The following KCTD3 variants were observed in gnomAD, a reference collection of about 807,000 sequenced individuals.
KCTD3 encodes potassium channel tetramerization domain containing 3.
A neutral mutation model predicts 85.8 loss-of-function variants in KCTD3; 41 were observed. The ratio of observed to expected loss-of-function variants is 0.48; its 90% CI spans 0.37 to 0.62. The LOEUF is 0.62. Among genes scored for constraint, KCTD3 ranks in the 20% least tolerant of loss-of-function variants. The probability of loss-of-function intolerance (pLI) is 0.00; values close to 1 mark genes in which losing one functional copy is unlikely to be tolerated. For synonymous variants in KCTD3, 338 were observed against 345.4 expected (o/e 0.98, Z 0.24); for missense variants, 724 against 989.9 (o/e 0.73, Z 3.60).
intron 8 of KCTD3, among the ~76,000 whole-genome samples, chr1:215,582,676 C>T (rs1659869613): frequency 2.6e-5 from 4 of 152,142 alleles, no homozygotes; most frequent in Admixed American, 2.6e-4. Context: ...ATTCTCCCAC[C>T]TCAGCCTCCT....
chr1:215,571,522 T>G (rs1014427923), intron 1 of KCTD3, among the ~76,000 whole-genome samples: 1 of 152,206 alleles, frequency 6.6e-6, no homozygotes, highest in Non-Finnish European at 1.5e-5. Context: ...TACATTTAAA[T>G]GTCTTTAATA....
chr1:215,590,497 T>C (rs1264734620), intron 9 of KCTD3, among the ~76,000 whole-genome samples: 1 of 152,142 alleles, frequency 6.6e-6, no homozygotes, highest in Admixed American at 6.5e-5. Flanking sequence ...TAGATCACTT[T>C]ATATTAACCT....
chr1:215,584,961 G>A (rs1365100666), intron 8 of KCTD3, among the ~76,000 whole-genome samples: 1 of 152,146 alleles, frequency 6.6e-6, no homozygotes, highest in Non-Finnish European at 1.5e-5. Flanking sequence ...CGAAAGAAAA[G>A]TGTTCTTGAC....
Position 215,620,351 on chromosome 1 carries a change from A to G in KCTD3, c.2181A>G (p.Glu727=). The G allele has an allele frequency of 1.2e-6, 2 of 1,613,766 alleles. No individual in the cohort carries two copies. The highest frequency in any genetic ancestry group is 8.5e-7 in the Non-Finnish European group (1 of 1,179,842). ...TGAGAGAATTGGATAGTGGATTGGA[A>G]GTGCATAAAATAGCTGAAGGTTTTT... The part of the protein sequence containing the change: ...KSLRELDSGL[E]VHKIAEGFSE... Residue 727 remains glutamate (E), a synonymous_variant, in exon 18 of 18, where the codon GAA becomes GAG. Transcript: ENST00000259154.
Position 215,586,695 on chromosome 1 carries a change from A to G in KCTD3, c.817+10A>G. 1 of 1,596,682 alleles carries G rather than the reference A, an allele frequency of 6.3e-7. No homozygotes were observed. Among genetic ancestry groups the G allele is most frequent in the Admixed American group, 1.7e-5 (1 of 58,646 alleles). On this transcript the variant is annotated intron_variant, in intron 9 of 17. Transcript: ENST00000259154. ...AGTGGAAGTGAAATTGGTAGGAAGAATCTTGTTTATGTTGCAATTTGATGA... is the reference window on the plus strand; with the variant it reads ...AGTGGAAGTGAAATTGGTAGGAAGAGTCTTGTTTATGTTGCAATTTGATGA...
chr1:215,593,019 G>GT (rs1660281252), intron 9 of KCTD3, among the ~76,000 whole-genome samples: 1 of 152,160 alleles, frequency 6.6e-6, no homozygotes, highest in African/African-American at 2.4e-5. Flanking sequence ...AGTAATCGAT[G>GT]TTAGTTGGTT....
chr1:215,579,800 TAACA>T (rs755947685), intron 7 of KCTD3, 105 bp from the exon 8 acceptor site: 219 of 734,614 alleles, frequency 3.0e-4, no homozygotes, highest in Non-Finnish European at 4.6e-4. Flanking sequence ...GCCCGGCTCT[TAACA>T]AAACTATTAA....
Position 215,620,281 on chromosome 1 carries a change from G to A in KCTD3, c.2111G>A (p.Cys704Tyr). 6.2e-7 allele frequency: 1 copy of A among 1,613,968 alleles called. No homozygotes were observed. Among genetic ancestry groups the A allele is most frequent in the South Asian group, 1.1e-5 (1 of 91,088 alleles). ...GAAGTGAAAGGGGCAACAGGGGAAT[G>A]TAATATATCTGAGAGAAAGTCTCCT... ...QAEVKGATGE[C>Y]NISERKSPGV... The change falls in exon 18 of 18, where the codon TGT (cysteine) becomes TAT (tyrosine). Residue 704 changes from cysteine (C) to tyrosine (Y), a missense_variant. Coordinates refer to ENST00000259154, the MANE Select transcript of KCTD3 (RefSeq NM_016121.5).
intron 9 of KCTD3, among the ~76,000 whole-genome samples, chr1:215,592,680 A>G (rs1283099928): frequency 6.6e-6 from 1 of 152,144 alleles, no homozygotes; most frequent in Admixed American, 6.5e-5. Context: ...ATGCCCTGTA[A>G]AAGGAGCCAT....
At chr1:215,579,252 A>C in intron 7 of KCTD3, 115 bp downstream of exon 7, 1 of 724,624 alleles carries the variant, frequency 1.4e-6, no homozygotes, top group Non-Finnish European at 2.2e-6. Flanking sequence ...ATCCAGATTT[A>C]TCATTTATAT....
intron 13 of KCTD3, among the ~76,000 whole-genome samples, 194 bp downstream of exon 13, chr1:215,604,496 A>T (rs1024371144): frequency 2.0e-4 from 30 of 152,242 alleles, no homozygotes; most frequent in African/African-American, 6.0e-4. Flanking sequence ...TATAAATCCT[A>T]GCAGTTTAGG....
chr1:215,567,860 C>A, intron 1 of KCTD3, 92 bp downstream of exon 1: 1 of 918,606 alleles, frequency 1.1e-6, no homozygotes, highest in Non-Finnish European at 1.4e-6. Flanking sequence ...GGAACGAGGG[C>A]GAGCGTGGGA....
chr1:215,620,399 A>G lies in KCTD3; in HGVS notation c.2229A>G (p.Ser743=), dbSNP rs1224048067. 1.9e-6 allele frequency: 3 copies of G among 1,612,514 alleles called. No homozygotes were observed. The highest frequency in any genetic ancestry group is 1.7e-6 in the Non-Finnish European group (2 of 1,179,104). ...TTTCAGAATCCAAGAAAAGGTCATCAGAAGATGAAAATGAAAATAAAATAG... is the reference window on the plus strand; with the variant it reads ...TTTCAGAATCCAAGAAAAGGTCATCGGAAGATGAAAATGAAAATAAAATAG... ...EGFSESKKRS[S]EDENENKIEF... is the part of the protein sequence containing the mutation. Residue 743 remains serine (S), a synonymous_variant, in exon 18 of 18, where the codon TCA becomes TCG. Coordinates refer to ENST00000259154, the MANE Select transcript of KCTD3 (RefSeq NM_016121.5).
At position 215,567,628 on chromosome 1, in the gene KCTD3, G is replaced by A; in HGVS notation, c.-58G>A. The A allele has an allele frequency of 9.8e-7, 1 of 1,018,896 alleles. No homozygotes were observed. Among genetic ancestry groups the A allele is most frequent in the Non-Finnish European group, 1.2e-6 (1 of 826,122 alleles). 63.1% of individuals were successfully genotyped at this position (1,018,896 alleles called of 1,614,324 possible). On this transcript the variant is annotated 5_prime_UTR_variant, in exon 1 of 18. Coordinates refer to ENST00000259154, the MANE Select transcript of KCTD3 (RefSeq NM_016121.5). ...CGCCGCTGCCTCGGGCTACAGCCCC[G>A]GGCTCGGCGGTCCCGGCTGGGGAAG...
At chr1:215,599,747 GGAAA>G in intron 10 of KCTD3, among the ~76,000 whole-genome samples, 1 of 152,216 alleles carries the variant, frequency 6.6e-6, no homozygotes, top group East Asian at 1.9e-4. Context: ...GGGTAGACAT[GGAAA>G]GAAAGGCAGA....
chr1:215,611,153 A>T (rs1171095533), intron 14 of KCTD3, among the ~76,000 whole-genome samples: 1 of 151,986 alleles, frequency 6.6e-6, no homozygotes, highest in African/African-American at 2.4e-5. Flanking sequence ...TGGGCTATTT[A>T]TCTGTCTTGC....
At position 215,619,244 on chromosome 1, in the gene KCTD3, A is replaced by G; in HGVS notation, c.1839A>G (p.Pro613=). 9 of 1,614,020 alleles carry G rather than the reference A, an allele frequency of 5.6e-6. No homozygotes were observed. The highest frequency in any genetic ancestry group is 7.6e-6 in the Non-Finnish European group (9 of 1,179,870). The change falls in exon 17 of 18, where the codon CCA becomes CCG. Residue 613 remains proline, a synonymous_variant. Transcript: ENST00000259154. ...TSRCATPNIS[P]ATSVVQHSHL... is the part of the protein sequence containing the mutation. ...GCTGTGCTACTCCTAACATCAGTCC[A>G]GCAACTTCCGTAGTTCAGCATAGCC...
chr1:215,618,212 T>C (rs1178090088), intron 15 of KCTD3: 2 of 435,910 alleles, frequency 4.6e-6, no homozygotes, highest in East Asian at 7.4e-5. Context: ...AAAAATACTT[T>C]GGTTTGTTTA....
At chr1:215,603,566 G>A (rs1173819112) in intron 12 of KCTD3, among the ~76,000 whole-genome samples, 1 of 152,176 alleles carries the variant, frequency 6.6e-6, no homozygotes, top group African/African-American at 2.4e-5. Context: ...ACAGTGTTTT[G>A]AAACTTAAAT....
Sources: gnomAD v4.1 joint callset for allele counts (sites outside exome capture counted in the v4.1 genomes callset) on GRCh38, gnomAD v4.1.1 for gene constraint, MANE v1.5 for transcripts, NCBI Gene and HGNC (gene_info 2026-07-23, HGNC 2026-07-21) for gene names.